CAPZB: variants seen among roughly 807,000 people sequenced by gnomAD.
CAPZB encodes capping actin protein of muscle Z-line subunit beta, also known as F-actin-capping protein subunit beta.
CAPZB carries 2 observed loss-of-function variants against 38.1 expected under a neutral mutation model. That is an observed-to-expected ratio of 0.05 (90% confidence interval 0.02 to 0.17). The LOEUF (loss-of-function observed/expected upper bound fraction) is 0.17. Among genes scored for constraint, CAPZB ranks in the 10% least tolerant of loss-of-function variants. The probability of loss-of-function intolerance (pLI) is 1.00; values close to 1 mark genes in which losing one functional copy is unlikely to be tolerated. For missense variants in CAPZB, 161 were observed against 334.2 expected (o/e 0.48, Z 4.04); for synonymous variants, 107 against 127.4 (o/e 0.84, Z 1.08).
intron 3 of CAPZB, 130 bp downstream of exon 3, chr1:19,385,375 G>T: frequency 1.1e-6 from 1 of 932,124 alleles, no homozygotes; most frequent in Non-Finnish European, 1.7e-6. Context: ...GGAGGGCAGG[G>T]AACAAACGGA....
At chr1:19,361,887 C>A (rs78292118) in intron 4 of CAPZB, among the ~76,000 whole-genome samples, 6,029 of 152,254 alleles carry the variant, frequency 0.04, 139 homozygotes, top group African/African-American at 0.053. Context: ...TGTTTAAATG[C>A]TAACATGCTA....
chr1:19,372,051 G>T (rs547675650), intron 4 of CAPZB, among the ~76,000 whole-genome samples: 3 of 152,336 alleles, frequency 2.0e-5, no homozygotes, highest in African/African-American at 7.2e-5. Flanking sequence ...CTGCCATGAG[G>T]ACGCCAGCCT....
In CAPZB at chr1:19,357,002, T is replaced by G. The variant is rs1028282189; in HGVS notation, c.472-251A>C. Among the ~76,000 whole-genome samples, 3 of 152,020 alleles carry G rather than the reference T, an allele frequency of 2.0e-5. No homozygotes were observed. Among genetic ancestry groups the G allele is most frequent in the African/African-American group, 7.2e-5 (3 of 41,388 alleles). On this transcript the variant is annotated intron_variant, in intron 5 of 8. Transcript: ENST00000264202. The surrounding 1 kb of genome is among the most constrained non-coding windows in gnomAD (Gnocchi z 4.3). ...TCAGCCTCCCAAGTAGCTGGGATTA[T>G]GGGCGCCCGCCACCACGCCTGGCTA...
chr1:19,426,349 GATTAT>G (rs1291906652), intron 1 of CAPZB, among the ~76,000 whole-genome samples: 4 of 151,858 alleles, frequency 2.6e-5, no homozygotes, highest in African/African-American at 9.7e-5. Context: ...AGGCGAAGCA[GATTAT>G]ATTTTCCAAA....
intron 2 of CAPZB, among the ~76,000 whole-genome samples, chr1:19,417,474 A>G (rs549926585): frequency 6.6e-6 from 1 of 152,304 alleles, no homozygotes; most frequent in East Asian, 1.9e-4. Flanking sequence ...ACGTAGGATC[A>G]ATCATAGATT....
intron 2 of CAPZB, among the ~76,000 whole-genome samples, chr1:19,414,153 G>A (rs1294562137): frequency 1.3e-5 from 2 of 152,086 alleles, no homozygotes; most frequent in Non-Finnish European, 2.9e-5. Context: ...ATGTGGACAC[G>A]TCCCCCAAGC....
intron 4 of CAPZB, among the ~76,000 whole-genome samples, chr1:19,373,673 A>AT (rs144023012): frequency 4.0e-5 from 6 of 150,772 alleles, no homozygotes; most frequent in African/African-American, 7.3e-5. Flanking sequence ...CCTTTCACAT[A>AT]TTTTTTATTT....
rs868455935 is a variant in CAPZB at position 19,339,458 on chromosome 1, A to G, written c.*72T>C. Reference sequence around the variant, plus strand: ...GGGGAGGGAAGGGACGAGGGAAGGGAGCAGAAAACGAGTTTTCTAAGAAAG... The same window carrying G: ...GGGGAGGGAAGGGACGAGGGAAGGGGGCAGAAAACGAGTTTTCTAAGAAAG... On this transcript the variant is annotated 3_prime_UTR_variant, in exon 9 of 9. Transcript: ENST00000264202. 9.1e-5 allele frequency: 99 copies of G among 1,082,954 alleles called. No individual in the cohort carries two copies. In the Middle Eastern group the frequency reaches 1.6e-3, roughly 17 times the overall value. The allele number at this position is 1,082,954 out of a possible 1,614,324, so 67.1% of individuals were successfully genotyped here. A position where few individuals can be genotyped will look rare whatever the true frequency, so the allele number is the denominator to read the frequency against.
chr1:19,351,202 C>T (rs767969332), intron 6 of CAPZB, among the ~76,000 whole-genome samples: 2 of 151,416 alleles, frequency 1.3e-5, no homozygotes, highest in Admixed American at 6.6e-5. Flanking sequence ...AGGCTGATCT[C>T]GAACTCCTGA....
chr1:19,383,592 C>T (rs1423341130), intron 3 of CAPZB, among the ~76,000 whole-genome samples: 1 of 152,166 alleles, frequency 6.6e-6, no homozygotes, highest in Non-Finnish European at 1.5e-5. Context: ...ATGCTGTGAC[C>T]AGCAGTTCCA....
intron 6 of CAPZB, among the ~76,000 whole-genome samples, chr1:19,352,059 A>G (rs1304769740): frequency 6.6e-6 from 1 of 152,242 alleles, no homozygotes; most frequent in Non-Finnish European, 1.5e-5. Context: ...GCGGGTGTGC[A>G]GCTGCAGCCA....
chr1:19,441,861 A>C (rs1223007905), intron 1 of CAPZB, among the ~76,000 whole-genome samples: 1 of 152,016 alleles, frequency 6.6e-6, no homozygotes, highest in African/African-American at 2.4e-5. Context: ...TACAAAAATT[A>C]GCTGGGCGTG....
intron 1 of CAPZB, among the ~76,000 whole-genome samples, chr1:19,482,439 G>A (rs571414234): frequency 6.6e-6 from 1 of 152,352 alleles, no homozygotes; most frequent in South Asian, 2.1e-4. Flanking sequence ...GTGAGCTGGA[G>A]CAGCAATTCC....
intron 2 of CAPZB, among the ~76,000 whole-genome samples, chr1:19,387,962 T>C (rs193253674): frequency 2.6e-5 from 4 of 152,284 alleles, no homozygotes; most frequent in African/African-American, 4.8e-5. Context: ...ATGGCAACAA[T>C]AGCCTGGATC....
intron 4 of CAPZB, among the ~76,000 whole-genome samples, chr1:19,368,495 G>GAAA (rs33961282): frequency 1.8e-5 from 2 of 112,732 alleles, no homozygotes; most frequent in East Asian, 2.8e-4. Context: ...TTTTTTCTTG[G>GAAA]AAAAAAAAAA....
intron 1 of CAPZB, among the ~76,000 whole-genome samples, chr1:19,476,227 G>GCAA (rs1237046140): frequency 6.4e-5 from 3 of 46,882 alleles, no homozygotes; most frequent in Non-Finnish European, 1.9e-4. Context: ...TAGATAGATA[G>GCAA]GCAGGCAGGC....
At chr1:19,456,142 C>T (rs933701383) in intron 1 of CAPZB, among the ~76,000 whole-genome samples, 13 of 152,264 alleles carry the variant, frequency 8.5e-5, no homozygotes, top group Middle Eastern at 6.8e-3. Flanking sequence ...GAACTCCTGG[C>T]CTCAAGTGAT....
intron 6 of CAPZB, among the ~76,000 whole-genome samples, chr1:19,355,935 G>A (rs214346): frequency 0.45 from 68,955 of 151,958 alleles, 15,909 homozygotes; most frequent in East Asian, 0.56. Context: ...GTAGAAGGGC[G>A]GGCAAGTTTG....
At chr1:19,470,319 CTG>C (rs1161034656) in intron 1 of CAPZB, among the ~76,000 whole-genome samples, 1 of 152,194 alleles carries the variant, frequency 6.6e-6, no homozygotes, top group Non-Finnish European at 1.5e-5. Flanking sequence ...ACGATGATTC[CTG>C]TCCCTATGTA....
Sources: allele counts gnomAD v4.1 joint callset (sites outside exome capture counted in the v4.1 genomes callset), GRCh38; gene constraint gnomAD v4.1.1; non-coding constraint Gnocchi (gnomAD v3.1); transcripts MANE v1.5; gene names NCBI Gene and HGNC (gene_info 2026-07-23, HGNC 2026-07-21).